Variants in VWC2L observed in about 807,000 individuals in gnomAD.
VWC2L encodes the protein von Willebrand factor C domain-containing protein 2-like.
A neutral mutation model predicts 21.6 loss-of-function variants in VWC2L; 10 were observed. That is an observed-to-expected ratio of 0.46 (90% confidence interval 0.29 to 0.78). VWC2L has a LOEUF of 0.78. VWC2L is among the 30% of genes least tolerant of loss of function. The pLI is 0.10. For synonymous variants in VWC2L, 96 were observed against 94.3 expected (o/e 1.02, Z -0.10); for missense variants, 209 against 277.1 (o/e 0.75, Z 1.74).
At chr2:214,482,534 T>TAC (rs1688617738) in intron 3 of VWC2L, among the ~76,000 whole-genome samples, 2 of 148,984 alleles carry the variant, frequency 1.3e-5, no homozygotes, top group African/African-American at 5.1e-5. Flanking sequence ...TATCTATATA[T>TAC]ATACACACAC....
intron 3 of VWC2L, among the ~76,000 whole-genome samples, chr2:214,557,480 C>T (rs1371350651): frequency 2.6e-5 from 4 of 152,132 alleles, no homozygotes; most frequent in Non-Finnish European, 5.9e-5. Context: ...TGCTCTTCCA[C>T]AATATTGCTG....
chr2:214,556,922 G>A (rs542031111), intron 3 of VWC2L, among the ~76,000 whole-genome samples: 11 of 152,230 alleles, frequency 7.2e-5, no homozygotes, highest in East Asian at 1.9e-4. Context: ...GGCACACTTC[G>A]TGCTGACTAT....
intron 2 of VWC2L, among the ~76,000 whole-genome samples, chr2:214,435,687 G>T: frequency 6.6e-6 from 1 of 152,112 alleles, no homozygotes; most frequent in East Asian, 1.9e-4. Flanking sequence ...CAAATGGCTT[G>T]ATTTGAGAAA....
chr2:214,548,299 C>T (rs1015660259), intron 3 of VWC2L, among the ~76,000 whole-genome samples: 1 of 152,122 alleles, frequency 6.6e-6, no homozygotes, highest in South Asian at 2.1e-4. Context: ...AGGCTTAAAA[C>T]ATTTACACAA....
At chr2:214,531,076 G>A (rs1481349832) in intron 3 of VWC2L, among the ~76,000 whole-genome samples, 5 of 152,062 alleles carry the variant, frequency 3.3e-5, no homozygotes, top group Non-Finnish European at 5.9e-5. Flanking sequence ...ACTGTGTTTC[G>A]GCATTGATCT....
chr2:214,533,121 G>T (rs1243066732), intron 3 of VWC2L, among the ~76,000 whole-genome samples: 1 of 151,988 alleles, frequency 6.6e-6, no homozygotes, highest in African/African-American at 2.4e-5. Context: ...TCGTGGCTCT[G>T]CTTGCGATTA....
intron 3 of VWC2L, among the ~76,000 whole-genome samples, chr2:214,478,268 C>G (rs1688553323): frequency 1.3e-5 from 2 of 152,060 alleles, no homozygotes; most frequent in South Asian, 4.1e-4. Flanking sequence ...CACCTGAGGT[C>G]AGGAGTTCAA....
intron 3 of VWC2L, among the ~76,000 whole-genome samples, chr2:214,459,113 T>C (rs1703096940): frequency 6.6e-6 from 1 of 152,198 alleles, no homozygotes; most frequent in South Asian, 2.1e-4. Context: ...TGCACATGTG[T>C]TTAGAATTGT....
chr2:214,421,243 G>GA (rs749449111), intron 2 of VWC2L, among the ~76,000 whole-genome samples: 25 of 152,120 alleles, frequency 1.6e-4, no homozygotes, highest in Non-Finnish European at 3.4e-4. Context: ...AAATTGCATT[G>GA]ATAATTGAGT....
intron 3 of VWC2L, among the ~76,000 whole-genome samples, chr2:214,510,421 C>A (rs1427338993): frequency 6.6e-6 from 1 of 151,906 alleles, no homozygotes; most frequent in African/African-American, 2.4e-5. Context: ...CCTAAGAAAA[C>A]AGTATTATTT....
At chr2:214,442,006 G>A (rs1702768710) in intron 3 of VWC2L, among the ~76,000 whole-genome samples, 1 of 151,594 alleles carries the variant, frequency 6.6e-6, no homozygotes, top group African/African-American at 2.4e-5. Context: ...CCGCATCCTG[G>A]GTTCAAGTGA....
intron 1 of VWC2L, 35 bp from the exon 2 acceptor site, chr2:214,414,079 A>G: frequency 1.7e-6 from 2 of 1,161,040 alleles, no homozygotes; most frequent in Admixed American, 2.7e-5. Context: ...CACTTTATAT[A>G]TGTCAAATTA....
intron 3 of VWC2L, among the ~76,000 whole-genome samples, chr2:214,501,887 C>T (rs1353509829): frequency 6.6e-6 from 1 of 152,152 alleles, no homozygotes; most frequent in Non-Finnish European, 1.5e-5. Context: ...AGGGACCAGC[C>T]CTGAGATTAC....
chr2:214,505,843 G>T (rs999739884), intron 3 of VWC2L, among the ~76,000 whole-genome samples: 17 of 152,112 alleles, frequency 1.1e-4, no homozygotes, highest in Non-Finnish European at 2.9e-5. Flanking sequence ...ATTCTAGTAA[G>T]AGTGTTTAAC....
intron 3 of VWC2L, among the ~76,000 whole-genome samples, chr2:214,480,864 CAAAAAAAAAAAA>C (rs59720596): frequency 8.4e-5 from 6 of 71,762 alleles, no homozygotes; most frequent in East Asian, 4.2e-4. Context: ...TATGCCAAGC[CAAAAAAAAAAAA>C]AAAAAAAAAA....
intron 3 of VWC2L, among the ~76,000 whole-genome samples, chr2:214,553,377 G>A (rs544696602): frequency 3.3e-5 from 5 of 152,324 alleles, no homozygotes; most frequent in East Asian, 1.9e-4. Flanking sequence ...TACATAAGAC[G>A]TTAATCAACA....
At chr2:214,411,819 T>C (rs1702274749) in intron 1 of VWC2L, 33 bp downstream of exon 1, 1 of 152,156 alleles carries the variant, frequency 6.6e-6, no homozygotes, top group African/African-American at 2.4e-5. Context: ...ATTATGTTTG[T>C]TTTCTCAAAG....
At chr2:214,422,548 C>G (rs1309990352) in intron 2 of VWC2L, among the ~76,000 whole-genome samples, 1 of 152,118 alleles carries the variant, frequency 6.6e-6, no homozygotes, top group Non-Finnish European at 1.5e-5. Flanking sequence ...AAACAAATAA[C>G]TAAGAGGAGA....
chr2:214,428,764 A>G (rs1559287953), intron 2 of VWC2L, among the ~76,000 whole-genome samples: 1 of 151,838 alleles, frequency 6.6e-6, no homozygotes, highest in Non-Finnish European at 1.5e-5. Flanking sequence ...GCAAATATAA[A>G]ATGAAGAAAA....
Sources: allele counts gnomAD v4.1 joint callset (sites outside exome capture counted in the v4.1 genomes callset), GRCh38; gene constraint gnomAD v4.1.1; transcripts MANE v1.5; gene names NCBI Gene and HGNC (gene_info 2026-07-23, HGNC 2026-07-21).